TMEM236: variants seen among roughly 807,000 people sequenced by gnomAD.
The protein encoded by TMEM236 is family with sequence similarity 23, member A.
TMEM236 carries 11 observed loss-of-function variants against 14.7 expected under a neutral mutation model. The ratio of observed to expected loss-of-function variants is 0.75; its 90% CI spans 0.47 to 1.24. TMEM236 has a LOEUF of 1.24. Ranked by LOEUF, TMEM236 falls within the 50% of genes most tolerant of loss-of-function variation. TMEM236 has a pLI of 0.00. For synonymous variants in TMEM236, 182 were observed against 168.6 expected (o/e 1.08, Z -0.62); for missense variants, 464 against 427.3 (o/e 1.09, Z -0.76).
chr10:17,774,022 T>C (rs1486355617), intron 2 of TMEM236, among the ~76,000 whole-genome samples: 4 of 128,166 alleles, frequency 3.1e-5, no homozygotes, highest in East Asian at 2.5e-4. Context: ...CTTTCATATA[T>C]ATATATTTTT....
intron 1 of TMEM236, among the ~76,000 whole-genome samples, chr10:17,768,641 C>T (rs1172914484): frequency 2.6e-5 from 4 of 151,858 alleles, no homozygotes; most frequent in Admixed American, 6.6e-5. Flanking sequence ...GAACTTACCT[C>T]GGGGGATGAG....
At chr10:17,761,233 C>A (rs984731335) in intron 1 of TMEM236, among the ~76,000 whole-genome samples, 9 of 152,130 alleles carry the variant, frequency 5.9e-5, no homozygotes, top group Non-Finnish European at 1.0e-4. Flanking sequence ...CAGTGTCAGA[C>A]CTGATTCGTC....
intron 1 of TMEM236, among the ~76,000 whole-genome samples, chr10:17,762,126 G>T (rs902594296): frequency 6.6e-6 from 1 of 152,116 alleles, no homozygotes; most frequent in Admixed American, 6.5e-5. Flanking sequence ...TCCCCAAATT[G>T]TGTCTCCAGG....
chr10:17,786,990 A>G (rs1020768687), intron 3 of TMEM236, among the ~76,000 whole-genome samples: 2 of 152,178 alleles, frequency 1.3e-5, no homozygotes, highest in Admixed American at 1.3e-4. Context: ...CATGGAAGAA[A>G]TGCCTTTCAC....
rs1838038544 is a variant in TMEM236 at position 17,797,633 on chromosome 10, G to A, written c.*1129G>A. 6.6e-6 allele frequency: 1 copy of A among 152,060 alleles called. No homozygotes were observed. Among genetic ancestry groups the A allele is most frequent in the African/African-American group, 2.4e-5 (1 of 41,416 alleles). 9.4% of individuals were successfully genotyped at this position (152,060 alleles called of 1,614,324 possible). On this transcript the variant is annotated 3_prime_UTR_variant, in exon 4 of 4. Transcript: ENST00000377495. ...AAAATTTGAAAATTGTAGTTTTAGG[G>A]GTTCCTTCAAAGGTGGAATTATATT...
chr10:17,761,783 A>G (rs914084767), intron 1 of TMEM236, among the ~76,000 whole-genome samples: 1 of 151,938 alleles, frequency 6.6e-6, no homozygotes, highest in East Asian at 1.9e-4. Flanking sequence ...TAAATCAAAT[A>G]TTGACATTAT....
intron 1 of TMEM236, among the ~76,000 whole-genome samples, chr10:17,760,910 T>C (rs1045382843): frequency 3.3e-5 from 5 of 152,218 alleles, no homozygotes; most frequent in Non-Finnish European, 7.3e-5. Flanking sequence ...GCCCCCATTA[T>C]TCAATTACCT....
chr10:17,785,190 G>C (rs1434619219), intron 3 of TMEM236, among the ~76,000 whole-genome samples: 7 of 152,140 alleles, frequency 4.6e-5, no homozygotes, highest in African/African-American at 1.7e-4. Flanking sequence ...CATTGAATCG[G>C]GGGCCACTGG....
intron 1 of TMEM236, among the ~76,000 whole-genome samples, chr10:17,755,654 C>G (rs1032596679): frequency 0.011 from 1,602 of 152,270 alleles, 16 homozygotes; most frequent in Middle Eastern, 0.044. Context: ...CTCTCACACC[C>G]TGTAGGGGTG....
At chr10:17,784,779 G>A (rs1031290654) in intron 3 of TMEM236, among the ~76,000 whole-genome samples, 18 of 152,272 alleles carry the variant, frequency 1.2e-4, no homozygotes, top group African/African-American at 4.1e-4. Flanking sequence ...CAAATTTTCT[G>A]CTGAGAACAA....
rs1838082222 is a variant in TMEM236, at chr10:17,800,805, A to C, written c.*4301A>C. ...ATAGAAGAAAAAAATGAAATGGCTAAAGACATTTTGTTTTACAATGGGGCT... is the reference window on the plus strand; with the variant it reads ...ATAGAAGAAAAAAATGAAATGGCTACAGACATTTTGTTTTACAATGGGGCT... On this transcript the variant is annotated 3_prime_UTR_variant, in exon 4 of 4. Coordinates refer to ENST00000377495, the MANE Select transcript of TMEM236 (RefSeq NM_001098844.3). The C allele has an allele frequency of 6.6e-6, 1 of 152,240 alleles. No homozygotes were observed. Among genetic ancestry groups the C allele is most frequent in the African/African-American group, 2.4e-5 (1 of 41,460 alleles). The allele number at this position is 152,240 out of a possible 1,614,324, so 9.4% of individuals were successfully genotyped here.
intron 3 of TMEM236, among the ~76,000 whole-genome samples, chr10:17,777,840 G>A (rs1837683874): frequency 6.6e-6 from 1 of 152,148 alleles, no homozygotes; most frequent in African/African-American, 2.4e-5. Context: ...CTGGGTTTAA[G>A]CAATTCTCCT....
At chr10:17,793,612 T>C (rs919881546) in intron 3 of TMEM236, among the ~76,000 whole-genome samples, 31 of 152,182 alleles carry the variant, frequency 2.0e-4, no homozygotes, top group Admixed American at 2.0e-3. Context: ...GCCACCAGAG[T>C]AGCTGGGATT....
In TMEM236 at chr10:17,799,018, A is replaced by G. The variant is rs1250433529; in HGVS notation, c.*2514A>G. 3.7e-6 allele frequency: 1 copy of G among 269,938 alleles called. No homozygotes were observed. Among genetic ancestry groups the G allele is most frequent in the Non-Finnish European group, 7.2e-6 (1 of 139,476 alleles). 16.7% of individuals were successfully genotyped at this position (269,938 alleles called of 1,614,324 possible). The stretch of plus-strand genomic sequence containing the variant: ...TACAATCTTAAGGTTACTTCAGACT[A>G]TACTTTTTCATCGAGGAGTATTGTA... On this transcript the variant is annotated 3_prime_UTR_variant, in exon 4 of 4. Transcript: ENST00000377495.
chr10:17,758,654 A>G (rs1297008827), intron 1 of TMEM236, among the ~76,000 whole-genome samples: 12 of 152,234 alleles, frequency 7.9e-5, no homozygotes, highest in African/African-American at 2.9e-4. Context: ...TATGACCTCA[A>G]ACTGAATTTA....
chr10:17,770,226 C>T (rs904729641), intron 1 of TMEM236, among the ~76,000 whole-genome samples: 15 of 151,950 alleles, frequency 9.9e-5, no homozygotes, highest in Admixed American at 5.2e-4. Context: ...ACTGCTTGTA[C>T]ATAGAAAACA....
chr10:17,776,641 A>C (rs1837662205), intron 3 of TMEM236, among the ~76,000 whole-genome samples: 1 of 152,152 alleles, frequency 6.6e-6, no homozygotes, highest in East Asian at 1.9e-4. Context: ...CACACTAATA[A>C]AACCAAGATA....
intron 1 of TMEM236, among the ~76,000 whole-genome samples, chr10:17,758,009 T>C (rs1837307309): frequency 6.6e-6 from 1 of 152,142 alleles, no homozygotes; most frequent in Non-Finnish European, 1.5e-5. Flanking sequence ...CCTCAAGTGA[T>C]CCGCCCACTT....
rs1022625804 is a variant in TMEM236 at position 17,784,059 on chromosome 10, A to G, written c.472+7889A>G. Among the ~76,000 whole-genome samples, 13 of 151,994 alleles carry G rather than the reference A, an allele frequency of 8.6e-5. No homozygotes were observed. In the East Asian group the frequency reaches 2.5e-3, roughly 29 times the overall value. ...TTCTCATTTGCCTTTTAATTTTACT[A>G]TGGTGTTTTTCATATAGGGAATTTT... On this transcript the variant is annotated intron_variant, in intron 3 of 3. Transcript: ENST00000377495.
Sources: gnomAD v4.1 joint callset for allele counts (sites outside exome capture counted in the v4.1 genomes callset) on GRCh38, gnomAD v4.1.1 for gene constraint, MANE v1.5 for transcripts, NCBI Gene and HGNC (gene_info 2026-07-23, HGNC 2026-07-21) for gene names.